TYW1: variants seen among roughly 807,000 people sequenced by gnomAD.
The protein encoded by TYW1 is S-adenosyl-L-methionine-dependent tRNA 4-demethylwyosine synthase TYW1.
TYW1 carries 46 observed loss-of-function variants against 96.2 expected under a neutral mutation model. That is an observed-to-expected ratio of 0.48 (90% CI 0.38 to 0.61). The LOEUF (loss-of-function observed/expected upper bound fraction) is 0.61. Ranked by LOEUF, TYW1 falls within the 20% of genes least tolerant of loss-of-function variation. The pLI, the probability that TYW1 is intolerant of heterozygous loss-of-function variation, is 0.00. For missense variants in TYW1, 684 were observed against 909.6 expected, an observed-to-expected ratio of 0.75 and a Z score of 3.19; for synonymous variants, 274 against 323.0, an observed-to-expected ratio of 0.85 and a Z score of 1.63.
Position 67,080,491 on chromosome 7 carries a change from C to T in TYW1, c.1275-2939C>T, listed in dbSNP as rs184722283. On this transcript the variant is annotated intron_variant, in intron 10 of 15. Coordinates refer to ENST00000359626, the MANE Select transcript of TYW1 (RefSeq NM_018264.4). ...CACAATCTCGGCTCACTGCAACTTC[C>T]GCCTCTCAGGTTCAAGCAATTCTTC... 1.8e-3 allele frequency among the ~76,000 whole-genome samples: 279 copies of T among 151,662 alleles called. 1 individual carries two copies. The highest frequency in any genetic ancestry group is 6.1e-3 in the African/African-American group (251 of 41,274).
chr7:67,099,027 TA>T (rs1258029905), intron 12 of TYW1, among the ~76,000 whole-genome samples: 3 of 136,390 alleles, frequency 2.2e-5, no homozygotes, highest in African/African-American at 9.5e-5. Context: ...ATTTTATTAT[TA>T]TTATTTTTTT....
At chr7:67,089,428 G>A in intron 11 of TYW1, 4 of 1,240,236 alleles carry the variant, frequency 3.2e-6, no homozygotes, top group Non-Finnish European at 3.5e-6. Flanking sequence ...GCTGGGTGCG[G>A]AAGACTCCAC....
chr7:67,135,992 C>T (rs965991781), intron 13 of TYW1, among the ~76,000 whole-genome samples: 3 of 152,226 alleles, frequency 2.0e-5, no homozygotes, highest in Admixed American at 6.5e-5. Flanking sequence ...TATGTATCAT[C>T]TTATCTTCAT....
At chr7:67,003,272 C>T (rs893932111) in intron 3 of TYW1, among the ~76,000 whole-genome samples, 2 of 152,158 alleles carry the variant, frequency 1.3e-5, no homozygotes, top group African/African-American at 4.8e-5. Context: ...CTTCCAATTG[C>T]TTGGTCCAAA....
chr7:67,033,135 G>A lies in TYW1; in HGVS notation c.984+8113G>A, dbSNP rs559809269. Among the ~76,000 whole-genome samples, 10 of 151,912 alleles carry A rather than the reference G, an allele frequency of 6.6e-5. No homozygotes were observed. The South Asian group carries it at 1.9e-3, about 28-fold the overall frequency. ...TGGTCTTGAACTCCTTACCTCAGGC[G>A]ATCCTCCTGCCTGAGCCTCCCAAAG... On this transcript the variant is annotated intron_variant, in intron 7 of 15. Transcript: ENST00000359626.
intron 9 of TYW1, chr7:67,067,070 A>G (rs984406350): frequency 5.3e-6 from 3 of 566,490 alleles, no homozygotes; most frequent in Non-Finnish European, 9.4e-6. Context: ...TTCAGAGTTA[A>G]TGAATCATAG....
At chr7:67,127,978 A>G (rs999004133) in intron 13 of TYW1, among the ~76,000 whole-genome samples, 5 of 151,798 alleles carry the variant, frequency 3.3e-5, no homozygotes, top group African/African-American at 1.2e-4. Context: ...ATTTTGTTAA[A>G]TATTTGATTT....
intron 11 of TYW1, among the ~76,000 whole-genome samples, chr7:67,086,388 G>T (rs897809553): frequency 6.6e-6 from 1 of 152,148 alleles, no homozygotes; most frequent in Non-Finnish European, 1.5e-5. Flanking sequence ...CCTTTGGAGA[G>T]TGTGTTAGGG....
At chr7:67,189,010 A>G (rs1800117279) in intron 14 of TYW1, among the ~76,000 whole-genome samples, 1 of 152,190 alleles carries the variant, frequency 6.6e-6, no homozygotes. Flanking sequence ...CAGTGTGAGG[A>G]AGGTTTCTAA....
chr7:67,124,634 G>A (rs958507082), intron 13 of TYW1, among the ~76,000 whole-genome samples: 2 of 151,878 alleles, frequency 1.3e-5, no homozygotes, highest in Admixed American at 1.3e-4. Context: ...TTTTTGTTTT[G>A]CTTGTTTTTT....
chr7:67,211,150 TTGTGTG>T (rs61112149), intron 15 of TYW1, among the ~76,000 whole-genome samples: 31,492 of 125,744 alleles, frequency 0.25, 3,901 homozygotes, highest in Middle Eastern at 0.3. Context: ...CCCATCAACA[TTGTGTG>T]TGTGTGTGTG....
At chr7:67,171,755 T>C (rs1056271189) in intron 13 of TYW1, among the ~76,000 whole-genome samples, 2 of 152,162 alleles carry the variant, frequency 1.3e-5, no homozygotes, top group Non-Finnish European at 2.9e-5. Context: ...TCTTAAAGTC[T>C]GTCTAATACT....
intron 12 of TYW1, among the ~76,000 whole-genome samples, chr7:67,103,853 A>C (rs1416611965): frequency 2.0e-5 from 3 of 152,202 alleles, no homozygotes; most frequent in Non-Finnish European, 4.4e-5. Context: ...CAGCCATGTC[A>C]TCTTTGAGCA....
chr7:67,097,083 G>A (rs1342849585), intron 11 of TYW1, among the ~76,000 whole-genome samples: 4 of 151,894 alleles, frequency 2.6e-5, no homozygotes, highest in Non-Finnish European at 5.9e-5. Flanking sequence ...GATTCAGAAC[G>A]AGTGGTGTGT....
chr7:67,198,576 T>G (rs1290248585), intron 15 of TYW1, among the ~76,000 whole-genome samples: 1 of 151,720 alleles, frequency 6.6e-6, no homozygotes, highest in Non-Finnish European at 1.5e-5. Context: ...AGATATAAAG[T>G]AAATATTTTA....
Position 67,012,987 on chromosome 7 carries a change from A to T in TYW1, c.376-1380A>T, listed in dbSNP as rs186094157. ...AACGGATACCTAGCCTGTATTTTGT[A>T]TCCCCGGGATTTGCAACAGTTCTGT... On this transcript the variant is annotated intron_variant, in intron 4 of 15. Coordinates refer to ENST00000359626, the MANE Select transcript of TYW1 (RefSeq NM_018264.4). Among the ~76,000 whole-genome samples the T allele has an allele frequency of 5.8e-3, 885 of 152,082 alleles. 7 individuals are homozygous for T. Among genetic ancestry groups the T allele is most frequent in the Non-Finnish European group, 9.9e-3 (675 of 67,980 alleles).
chr7:67,117,375 A>C, intron 12 of TYW1, 108 bp from the exon 13 acceptor site: 2 of 1,279,016 alleles, frequency 1.6e-6, no homozygotes, highest in South Asian at 3.4e-5. Context: ...CTCTAGACCC[A>C]GTGAAGTGTT....
At chr7:67,069,641 G>T (rs1419949981) in intron 10 of TYW1, among the ~76,000 whole-genome samples, 1 of 152,158 alleles carries the variant, frequency 6.6e-6, no homozygotes, top group Non-Finnish European at 1.5e-5. Context: ...CCAGAAGGCT[G>T]AGGTGGGGGT....
At chr7:67,197,349 G>T in intron 15 of TYW1, among the ~76,000 whole-genome samples, 1 of 149,004 alleles carries the variant, frequency 6.7e-6, no homozygotes, top group Admixed American at 6.6e-5. Flanking sequence ...TTTTTAAGAT[G>T]GAGTCTTGCT....
Sources: allele counts gnomAD v4.1 joint callset (sites outside exome capture counted in the v4.1 genomes callset), GRCh38; gene constraint gnomAD v4.1.1; transcripts MANE v1.5; gene names NCBI Gene and HGNC (gene_info 2026-07-23, HGNC 2026-07-21).